Variants in ANK3 observed in about 807,000 individuals in gnomAD.
ANK3 encodes ankyrin 3, also known as ankyrin-3.
In ANK3, 57 loss-of-function variants were observed where a neutral mutation model predicts 370.9. That is an observed-to-expected ratio of 0.15 (90% CI 0.12 to 0.19). ANK3 has a LOEUF of 0.19. Ranked by LOEUF, ANK3 falls within the 10% of genes least tolerant of loss-of-function variation. The pLI is 1.00. For missense variants in ANK3, 4,439 were observed against 5,302.1 expected (o/e 0.84, Z 5.06); for synonymous variants, 1,929 against 1,946.3 (o/e 0.99, Z 0.23).
intron 1 of ANK3, chr10:60,685,130 T>C (rs777475407): frequency 8.1e-5 from 68 of 839,782 alleles, no homozygotes; most frequent in Non-Finnish European, 1.2e-4. Flanking sequence ...GGTCTGATTT[T>C]GACAAATGGA....
intron 1 of ANK3, among the ~76,000 whole-genome samples, chr10:60,363,519 G>T (rs544942595): frequency 6.6e-6 from 1 of 152,294 alleles, no homozygotes; most frequent in South Asian, 2.1e-4. Context: ...TTGAGAATGT[G>T]CAACTTAAAC....
intron 25 of ANK3, among the ~76,000 whole-genome samples, chr10:60,115,607 T>C (rs1041272819): frequency 6.6e-6 from 1 of 152,120 alleles, no homozygotes; most frequent in African/African-American, 2.4e-5. Flanking sequence ...ATAAATTAAA[T>C]GGGATAGAAT....
Position 60,070,170 on chromosome 10 carries a change from C to A in ANK3, c.10711G>T (p.Val3571Leu). Reference sequence around the variant, plus strand: ...GTTGTTGCTGGAGAGCGGTCTTCTACCGCCAGCCCAAATGGCTTAGTTTCA... The same window carrying A: ...GTTGTTGCTGGAGAGCGGTCTTCTAACGCCAGCCCAAATGGCTTAGTTTCA... Reference protein sequence around the residue: ...EDETKPFGLAVEDRSPATTPD... With the variant: ...EDETKPFGLALEDRSPATTPD... Residue 3571 changes from valine (V) to leucine (L), a missense_variant, in exon 37 of 44, where the codon GTA (valine) becomes TTA (leucine). This residue lies in a region of ANK3 where 1,601 missense variants were observed against 1,731.7 expected (regional missense o/e 0.92). Coordinates refer to ENST00000280772, the MANE Select transcript of ANK3 (RefSeq NM_020987.5). The surrounding 1 kb of genome is among the most constrained non-coding windows in gnomAD (Gnocchi z 5.7). 6.2e-7 allele frequency: 1 copy of A among 1,614,134 alleles called. No individual in the cohort carries two copies. The highest frequency in any genetic ancestry group is 8.5e-7 in the Non-Finnish European group (1 of 1,180,012).
rs1164946129 is a variant in ANK3 at position 60,073,891 on chromosome 10, T to C, written c.6990A>G (p.Ile2330Met). 4 of 1,613,990 alleles carry C rather than the reference T, an allele frequency of 2.5e-6. No homozygotes were observed. The highest frequency in any genetic ancestry group is 1.3e-5 in the African/African-American group (1 of 75,060). Residue 2330 changes from isoleucine (I) to methionine (M), a missense_variant, in exon 37 of 44, where the codon ATA becomes ATG. This residue lies in a region of ANK3 where 1,601 missense variants were observed against 1,731.7 expected (regional missense o/e 0.92). Coordinates refer to ENST00000280772, the MANE Select transcript of ANK3 (RefSeq NM_020987.5). ...GGTTACCTTTTTCGATGTGGACTTC[T>C]ATTATACGCTCCAGTTTGGGTTTCA... ...NQMKPKLERI[I>M]EVHIEKGNQA...
At position 60,072,113 on chromosome 10, in the gene ANK3, G is replaced by A; in HGVS notation, c.8768C>T (p.Ser2923Phe). The A allele has an allele frequency of 6.2e-7, 1 of 1,613,898 alleles. No individual in the cohort carries two copies. Among genetic ancestry groups the A allele is most frequent in the Non-Finnish European group, 8.5e-7 (1 of 1,179,966 alleles). Residue 2923 changes from serine (S) to phenylalanine (F), a missense_variant, in exon 37 of 44, where the codon TCT becomes TTT. Around this residue, in one of 13 missense-constraint regions of ANK3, gnomAD observed 1,601 missense variants for 1,731.7 expected, o/e 0.92. Coordinates refer to ENST00000280772, the MANE Select transcript of ANK3 (RefSeq NM_020987.5). ...LSEIKEMTVK[S>F]PSKKVLYREY... is the part of the protein sequence containing the mutation. ...CCTATATAAGACTTTTTTGGAGGGA[G>A]ATTTTACAGTCATTTCTTTAATTTC...
chr10:60,207,926 T>C lies in ANK3; in HGVS notation c.1194+110A>G, dbSNP rs183208338. 2,541 of 979,632 alleles carry C rather than the reference T, an allele frequency of 2.6e-3. 2 individuals are homozygous for C. The highest frequency in any genetic ancestry group is 3.6e-3 in the Non-Finnish European group (2,248 of 632,220). 60.7% of individuals were successfully genotyped at this position (979,632 alleles called of 1,614,324 possible). A position where few individuals can be genotyped will look rare whatever the true frequency, so the allele number is the denominator to read the frequency against. ...TTGAAAAAATTGACAAGAAGTACAC[T>C]TTAACTAGCACCTTCTATTTTAACC... On this transcript the variant is annotated intron_variant, in intron 10 of 43. Transcript: ENST00000280772.
intron 5 of ANK3, among the ~76,000 whole-genome samples, chr10:60,267,758 C>T (rs1440536385): frequency 6.6e-6 from 1 of 152,058 alleles, no homozygotes; most frequent in Non-Finnish European, 1.5e-5. Context: ...ATCCGTACAT[C>T]ACAGTGTGAA....
chr10:60,444,196 A>T (rs1461081876), intron 2 of ANK3, among the ~76,000 whole-genome samples: 3 of 152,106 alleles, frequency 2.0e-5, no homozygotes, highest in Non-Finnish European at 4.4e-5. Context: ...CACTAGCACT[A>T]AAATTCTGGC....
intron 25 of ANK3, among the ~76,000 whole-genome samples, chr10:60,116,830 T>A (rs1457056497): frequency 6.6e-6 from 1 of 152,044 alleles, no homozygotes; most frequent in East Asian, 1.9e-4. Flanking sequence ...TTTAAGAAAC[T>A]TTTCCAGAGC....
At chr10:60,660,443 A>G (rs1207693977) in intron 1 of ANK3, among the ~76,000 whole-genome samples, 3 of 152,168 alleles carry the variant, frequency 2.0e-5, no homozygotes, top group African/African-American at 7.2e-5. Flanking sequence ...CAGTAATCAT[A>G]GTTTGTATTT....
intron 23 of ANK3, among the ~76,000 whole-genome samples, chr10:60,165,761 G>A (rs989864700): frequency 2.6e-5 from 4 of 152,126 alleles, no homozygotes; most frequent in Admixed American, 1.3e-4. Flanking sequence ...GTGGCAAATG[G>A]AGGTCATAAT....
At chr10:60,312,943 T>C (rs2046651349) in intron 1 of ANK3, among the ~76,000 whole-genome samples, 1 of 152,190 alleles carries the variant, frequency 6.6e-6, no homozygotes, top group Non-Finnish European at 1.5e-5. Context: ...TGCAGTTCCA[T>C]GATTGAGAGC....
chr10:60,660,847 A>G (rs936416032), intron 1 of ANK3, among the ~76,000 whole-genome samples: 12 of 152,194 alleles, frequency 7.9e-5, no homozygotes, highest in Non-Finnish European at 1.5e-4. Context: ...TCATCTCAGG[A>G]ATCAAGAAGT....
intron 2 of ANK3, among the ~76,000 whole-genome samples, chr10:60,518,333 C>A (rs765233980): frequency 2.6e-5 from 4 of 152,130 alleles, no homozygotes; most frequent in Non-Finnish European, 5.9e-5. Context: ...TGACACGTAG[C>A]AGGCCTATAC....
intron 8 of ANK3, among the ~76,000 whole-genome samples, chr10:60,228,918 T>G (rs1227768370): frequency 6.6e-6 from 1 of 152,194 alleles, no homozygotes; most frequent in Non-Finnish European, 1.5e-5. Flanking sequence ...CGACATTTAT[T>G]AGGTTGGTGC....
chr10:60,355,277 T>C (rs540213701), intron 1 of ANK3, among the ~76,000 whole-genome samples: 2 of 152,204 alleles, frequency 1.3e-5, no homozygotes, highest in Non-Finnish European at 2.9e-5. Flanking sequence ...AAAAGTTTAA[T>C]TGAAACAAAA....
chr10:60,610,337 C>T (rs1439199383), intron 2 of ANK3, among the ~76,000 whole-genome samples: 1 of 151,970 alleles, frequency 6.6e-6, no homozygotes, highest in Non-Finnish European at 1.5e-5. Flanking sequence ...CATGGTGAAA[C>T]CCTGTCTCTC....
At chr10:60,397,648 G>T (rs888924829) in intron 2 of ANK3, among the ~76,000 whole-genome samples, 1 of 152,128 alleles carries the variant, frequency 6.6e-6, no homozygotes, top group Admixed American at 6.6e-5. Flanking sequence ...GTGTTAGCAG[G>T]TTTTCTCTTT....
chr10:60,518,113 T>G (rs1162293388), intron 2 of ANK3, among the ~76,000 whole-genome samples: 3 of 150,792 alleles, frequency 2.0e-5, no homozygotes, highest in Non-Finnish European at 4.4e-5. Flanking sequence ...CCCTAGAGGT[T>G]GGCATGGCTA....
Sources: gnomAD v4.1 joint callset for allele counts (sites outside exome capture counted in the v4.1 genomes callset) on GRCh38, gnomAD v4.1.1 for gene constraint, gnomAD v4.1.1 regional missense constraint, Gnocchi (gnomAD v3.1) non-coding constraint, MANE v1.5 for transcripts, NCBI Gene and HGNC (gene_info 2026-07-23, HGNC 2026-07-21) for gene names.